PDE9A: variants seen among roughly 807,000 people sequenced by gnomAD.
The protein encoded by PDE9A is phosphodiesterase 9A.
In PDE9A, 60 loss-of-function variants were observed where a neutral mutation model predicts 87.4. The ratio of observed to expected loss-of-function variants is 0.69; its 90% CI spans 0.56 to 0.85. PDE9A has a LOEUF of 0.85. PDE9A is among the 40% of genes least tolerant of loss of function. The pLI is 0.00. For missense variants in PDE9A, 665 were observed against 779.0 expected, an observed-to-expected ratio of 0.85 and a Z score of 1.74; for synonymous variants, 272 against 279.4, an observed-to-expected ratio of 0.97 and a Z score of 0.27.
At chr21:42,769,209 A>C in intron 17 of PDE9A, 54 bp downstream of exon 17, 1 of 1,497,184 alleles carries the variant, frequency 6.7e-7, no homozygotes, top group Non-Finnish European at 9.2e-7. Flanking sequence ...ACATGCATGC[A>C]CACACAGGCA....
intron 15 of PDE9A, chr21:42,765,751 T>C (rs575047247): frequency 2.1e-6 from 1 of 466,066 alleles, no homozygotes; most frequent in Non-Finnish European, 4.0e-6. Context: ...AGGAGATAAG[T>C]GGGTGAAGGC....
chr21:42,751,054 G>C (rs1157741599), intron 8 of PDE9A, 62 bp from the exon 9 acceptor site: 10 of 1,090,432 alleles, frequency 9.2e-6, no homozygotes, highest in African/African-American at 1.5e-5. Context: ...CTTTTGCTGT[G>C]CTGAGGGCTT....
intron 17 of PDE9A, 32 bp downstream of exon 17, chr21:42,769,187 T>C (rs1297873623): frequency 6.2e-7 from 1 of 1,604,620 alleles, no homozygotes; most frequent in Non-Finnish European, 8.5e-7. Flanking sequence ...TCACACTTGC[T>C]TACACTCAGA....
At chr21:42,714,952 A>T (rs992236745) in intron 4 of PDE9A, among the ~76,000 whole-genome samples, 8 of 151,994 alleles carry the variant, frequency 5.3e-5, no homozygotes, top group African/African-American at 1.9e-4. Context: ...CTTTGTTCAT[A>T]TGGTTGGGGT....
At chr21:42,682,887 G>C (rs1271013278) in intron 1 of PDE9A, among the ~76,000 whole-genome samples, 1 of 152,256 alleles carries the variant, frequency 6.6e-6, no homozygotes, top group African/African-American at 2.4e-5. Flanking sequence ...GAGGAGGACA[G>C]ATCCTTCCGG....
rs746782314 is a variant in PDE9A, at chr21:42,765,392, A to G, written c.1254A>G (p.Thr418=). The G allele has an allele frequency of 1.2e-6, 2 of 1,600,342 alleles. No homozygotes were observed. The highest frequency in any genetic ancestry group is 1.3e-5 in the African/African-American group (1 of 74,670). ...GFKQIRQGMI[T]LILATDMARH... is the part of the protein sequence containing the mutation. The stretch of plus-strand genomic sequence containing the variant: ...CTCTCGCTATTTAGGGAATGATCAC[A>G]TTAATCTTGGCCACTGACATGGCAA... The change falls in exon 15 of 20, where the codon ACA becomes ACG. Residue 418 remains threonine (T), a synonymous_variant. Coordinates refer to ENST00000291539, the MANE Select transcript of PDE9A (RefSeq NM_002606.3).
intron 19 of PDE9A, among the ~76,000 whole-genome samples, chr21:42,772,891 C>T (rs539285526): frequency 7.7e-4 from 116 of 151,530 alleles, no homozygotes; most frequent in African/African-American, 2.8e-3. Context: ...ACCTCGGCCT[C>T]CCAAAGTGCT....
chr21:42,743,970 G>C, intron 8 of PDE9A, 110 bp downstream of exon 8: 1 of 703,812 alleles, frequency 1.4e-6, no homozygotes, highest in Non-Finnish European at 2.6e-6. Flanking sequence ...GGTGCAGTTC[G>C]GTACAGTTCA....
intron 1 of PDE9A, among the ~76,000 whole-genome samples, chr21:42,661,584 G>A (rs117032493): frequency 9.1e-4 from 138 of 152,236 alleles, no homozygotes; most frequent in African/African-American, 3.2e-3. Context: ...TTTTAAGGCC[G>A]AGCGGTATTC....
At chr21:42,698,943 A>G (rs2060292409) in intron 3 of PDE9A, 25 bp from the exon 4 acceptor site, 5 of 1,601,130 alleles carry the variant, frequency 3.1e-6, no homozygotes, top group Middle Eastern at 1.7e-4. Flanking sequence ...AGAGTCTCAC[A>G]GCGGCACTGT....
chr21:42,728,094 A>C (rs2051326114), intron 4 of PDE9A, among the ~76,000 whole-genome samples: 3 of 152,376 alleles, frequency 2.0e-5, no homozygotes, highest in African/African-American at 7.2e-5. Context: ...AAAACAATAC[A>C]AATTAGTAAA....
rs533149571 is a variant in PDE9A at position 42,723,787 on chromosome 21, C to A, written c.263-7983C>A. Among the ~76,000 whole-genome samples, 1 of 152,212 alleles carries A rather than the reference C, an allele frequency of 6.6e-6. No individual in the cohort carries two copies. Among genetic ancestry groups the A allele is most frequent in the African/African-American group, 2.4e-5 (1 of 41,454 alleles). ...TGCAATCTCCCGATTTGCTCAAAAACTTCCAGGTCCAGAGGGACCCTAAAG... is the reference window on the plus strand; with the variant it reads ...TGCAATCTCCCGATTTGCTCAAAAAATTCCAGGTCCAGAGGGACCCTAAAG... On this transcript the variant is annotated intron_variant, in intron 4 of 19. Transcript: ENST00000291539. The surrounding 1 kb of genome is among the most constrained non-coding windows in gnomAD (Gnocchi z 4.3).
In PDE9A at chr21:42,727,489, A is replaced by ATTTTTTTTT. The variant is rs58515760; in HGVS notation, c.263-4265_263-4257dup. Among the ~76,000 whole-genome samples the ATTTTTTTTT allele has an allele frequency of 2.7e-3, 239 of 88,310 alleles. 7 individuals are homozygous for ATTTTTTTTT. Among genetic ancestry groups the ATTTTTTTTT allele is most frequent in the African/African-American group, 3.3e-3 (65 of 19,708 alleles). The allele number at this position is 88,310 out of a possible 152,430, so 57.9% of individuals were successfully genotyped here. ...CAGGCACATGCCACCACGCCTGGCT[A>ATTTTTTTTT]TTTTTTTTTTTTTTTTTTTTTTTTG... On this transcript the variant is annotated intron_variant, in intron 4 of 19. Coordinates refer to ENST00000291539, the MANE Select transcript of PDE9A (RefSeq NM_002606.3).
In PDE9A at chr21:42,668,713, C is replaced by T. The variant is rs1278741480; in HGVS notation, c.69+14830C>T. ...GCAGTCATGACAAATGAGCCCTGTG[C>T]GGAGGCCCGGGATCCGCGCAGATGC... is the stretch of plus-strand genomic sequence containing the variant. On this transcript the variant is annotated intron_variant, in intron 1 of 19. Coordinates refer to ENST00000291539, the MANE Select transcript of PDE9A (RefSeq NM_002606.3). 4.6e-5 allele frequency among the ~76,000 whole-genome samples: 7 copies of T among 152,198 alleles called. No individual in the cohort carries two copies. In the East Asian group the frequency reaches 1.3e-3, roughly 29 times the overall value.
chr21:42,681,710 G>C (rs2059174714), intron 1 of PDE9A, among the ~76,000 whole-genome samples: 1 of 152,200 alleles, frequency 6.6e-6, no homozygotes, highest in South Asian at 2.1e-4. Context: ...AAAAGGGTTT[G>C]TGATGACCTG....
chr21:42,750,662 G>A (rs574713751), intron 8 of PDE9A, among the ~76,000 whole-genome samples: 3 of 151,882 alleles, frequency 2.0e-5, no homozygotes, highest in African/African-American at 4.8e-5. Flanking sequence ...TGCAACCTCC[G>A]CCTCCTGGGT....
At chr21:42,764,776 A>G (rs1449038914) in intron 14 of PDE9A, among the ~76,000 whole-genome samples, 1 of 152,256 alleles carries the variant, frequency 6.6e-6, no homozygotes, top group Non-Finnish European at 1.5e-5. Context: ...ATGCTTCACT[A>G]ATAACACAAT....
At position 42,746,456 on chromosome 21, in the gene PDE9A, G is replaced by A. The variant is rs191979597; in HGVS notation, c.653+2596G>A. On this transcript the variant is annotated intron_variant, in intron 8 of 19. Coordinates refer to ENST00000291539, the MANE Select transcript of PDE9A (RefSeq NM_002606.3). ...CTCTTGGCCTCTGGTGGCTGCCGGCGGCATTCTCTGCCTGCTTCTTCACCT... is the reference window on the plus strand; with the variant it reads ...CTCTTGGCCTCTGGTGGCTGCCGGCAGCATTCTCTGCCTGCTTCTTCACCT... Among the ~76,000 whole-genome samples the A allele has an allele frequency of 3.8e-4, 58 of 152,258 alleles. No homozygotes were observed. The East Asian group carries it at 0.01, about 27-fold the overall frequency.
At position 42,660,953 on chromosome 21, in the gene PDE9A, A is replaced by G. The variant is rs1446664072; in HGVS notation, c.69+7070A>G. On this transcript the variant is annotated intron_variant, in intron 1 of 19. Coordinates refer to ENST00000291539, the MANE Select transcript of PDE9A (RefSeq NM_002606.3). The surrounding 1 kb of genome is among the most constrained non-coding windows in gnomAD (Gnocchi z 4.7). ...GCATTGGCCCTGAACAGAAACCCGC[A>G]GTACCCCTGAAAACTCGGTCTAGAA... is the stretch of plus-strand genomic sequence containing the variant. Among the ~76,000 whole-genome samples, 1 of 152,132 alleles carries G rather than the reference A, an allele frequency of 6.6e-6. No homozygotes were observed. The highest frequency in any genetic ancestry group is 1.5e-5 in the Non-Finnish European group (1 of 68,036).
Sources: gnomAD v4.1 joint callset for allele counts (sites outside exome capture counted in the v4.1 genomes callset) on GRCh38, gnomAD v4.1.1 for gene constraint, Gnocchi (gnomAD v3.1) non-coding constraint, MANE v1.5 for transcripts, NCBI Gene and HGNC (gene_info 2026-07-23, HGNC 2026-07-21) for gene names.